AHI1: variants seen among roughly 807,000 people sequenced by gnomAD.
AHI1 encodes the protein Abelson helper integration site 1, also known as jouberin.
AHI1 carries 123 observed loss-of-function variants against 149.3 expected under a neutral mutation model. The observed-to-expected ratio is 0.82, with a 90% CI of 0.71 to 0.96. The LOEUF is 0.96. AHI1 is among the 40% of genes least tolerant of loss of function. The probability of loss-of-function intolerance (pLI) is 0.00; values close to 1 mark genes in which losing one functional copy is unlikely to be tolerated. For missense variants in AHI1, 1,439 were observed against 1,422.7 expected (o/e 1.01, Z -0.18); for synonymous variants, 475 against 459.8 (o/e 1.03, Z -0.42).
At chr6:135,400,587 T>C (rs578062192) in intron 22 of AHI1, among the ~76,000 whole-genome samples, 1 of 151,784 alleles carries the variant, frequency 6.6e-6, no homozygotes, top group East Asian at 1.9e-4. Context: ...AAAAAGAGAG[T>C]GTGTGTTATT....
chr6:135,495,805 AC>A lies in AHI1; in HGVS notation c.-55+8del, dbSNP rs1795884254. ...AGACTCAGGCTTGAGCTCTAGTGTC[AC>A]CACTTACTGATGTGTGGCCTTGGGC... On this transcript the variant is annotated splice_region_variant and intron_variant, in intron 3 of 28. Transcript: ENST00000265602. 1 of 152,238 alleles carries A rather than the reference AC, an allele frequency of 6.6e-6. No homozygotes were observed. The highest frequency in any genetic ancestry group is 2.1e-4 in the South Asian group (1 of 4,838). 9.4% of individuals were successfully genotyped at this position (152,238 alleles called of 1,614,324 possible).
intron 15 of AHI1, among the ~76,000 whole-genome samples, chr6:135,436,898 G>T (rs1785491806): frequency 6.6e-6 from 1 of 152,070 alleles, no homozygotes; most frequent in Non-Finnish European, 1.5e-5. Context: ...CACTGCGCCC[G>T]GCCCATTTGA....
At chr6:135,475,093 T>C (rs1303116910) in intron 5 of AHI1, among the ~76,000 whole-genome samples, 3 of 152,232 alleles carry the variant, frequency 2.0e-5, no homozygotes, top group African/African-American at 4.8e-5. Flanking sequence ...AAAAGATATA[T>C]AATGTTCGAG....
rs1191422958 is a variant in AHI1, at chr6:135,448,305, C to T, written c.1611G>A (p.Leu537=). The change falls in exon 12 of 29, where the codon CTG becomes CTA. Residue 537 remains leucine, a synonymous_variant. Coordinates refer to ENST00000265602, the MANE Select transcript of AHI1 (RefSeq NM_001134831.2). ...ATTAACTTACACAGTCTGGAACTTT[C>T]AGTCCTCTTACAGTTACGTACAGTG... ...PSTLYVTVRG[L]KVPDCIKPSY... is the part of the protein sequence containing the mutation. 2 of 1,591,524 alleles carry T rather than the reference C, an allele frequency of 1.3e-6. No homozygotes were observed. Among genetic ancestry groups the T allele is most frequent in the Non-Finnish European group, 1.7e-6 (2 of 1,165,826 alleles).
At chr6:135,406,793 A>G (rs949855167) in intron 21 of AHI1, among the ~76,000 whole-genome samples, 3 of 152,190 alleles carry the variant, frequency 2.0e-5, no homozygotes, top group African/African-American at 7.2e-5. Flanking sequence ...TCAGGCTGCC[A>G]GAATGGTCTA....
chr6:135,389,092 C>T (rs922293841), intron 23 of AHI1, among the ~76,000 whole-genome samples: 6 of 151,868 alleles, frequency 4.0e-5, no homozygotes, highest in South Asian at 4.2e-4. Context: ...GGGCGGATCA[C>T]GAGGTCAGGA....
chr6:135,423,219 T>TAC (rs1194647124), intron 20 of AHI1, among the ~76,000 whole-genome samples: 1 of 152,234 alleles, frequency 6.6e-6, no homozygotes, highest in Non-Finnish European at 1.5e-5. Context: ...TAGCTACTAC[T>TAC]ACCACTGTTA....
chr6:135,448,431 G>A lies in AHI1; in HGVS notation c.1485C>T (p.Arg495=). The A allele has an allele frequency of 6.4e-7, 1 of 1,564,692 alleles. No individual in the cohort carries two copies. The change falls in exon 12 of 29, where the codon CGC becomes CGT. Residue 495 remains arginine (R), a synonymous_variant. Transcript: ENST00000265602. ...NGNANINSKL[R]LQLYYPPTKP... ...TAGTAGGTGGGTAATATAGCTGCAA[G>A]CGAAGTTTTGAGTTGATGTTTGCAT... is the stretch of plus-strand genomic sequence containing the variant.
intron 21 of AHI1, among the ~76,000 whole-genome samples, chr6:135,407,877 A>G (rs1262403004): frequency 1.3e-5 from 2 of 150,272 alleles, no homozygotes; most frequent in African/African-American, 2.5e-5. Flanking sequence ...CTAAAAATAC[A>G]AAAAAAAATT....
intron 24 of AHI1, among the ~76,000 whole-genome samples, chr6:135,350,134 CAT>C (rs1791854077): frequency 6.6e-6 from 1 of 152,208 alleles, no homozygotes; most frequent in Non-Finnish European, 1.5e-5. Context: ...AAGTCAGTAA[CAT>C]ATCCACAGGG....
intron 23 of AHI1, among the ~76,000 whole-genome samples, chr6:135,373,886 T>G (rs959135291): frequency 1.3e-5 from 2 of 151,908 alleles, no homozygotes; most frequent in African/African-American, 4.8e-5. Context: ...CATGACATCT[T>G]AAGAGTTACT....
In AHI1 at chr6:135,466,360, C is replaced by G. The variant is rs1562241449; in HGVS notation, c.203G>C (p.Arg68Thr). 6.2e-7 allele frequency: 1 copy of G among 1,613,216 alleles called. No homozygotes were observed. Residue 68 changes from arginine to threonine, a missense_variant, in exon 7 of 29, where the codon AGA becomes ACA. Physicochemically the swap from Arg to Thr is moderately conservative, Grantham distance 71 (BLOSUM62 -1). Transcript: ENST00000265602. Reference protein sequence around the residue: ...ETTSDDPDTIRSNLPHIKETT... With the variant: ...ETTSDDPDTITSNLPHIKETT... Reference sequence around the variant, plus strand: ...TTCTTTAATATGGGGAAGATTGCTTCTAATAGTGTCGGGCTAGGAAAAGAA... The same window carrying G: ...TTCTTTAATATGGGGAAGATTGCTTGTAATAGTGTCGGGCTAGGAAAAGAA...
At chr6:135,350,330 T>C (rs1791887242) in intron 24 of AHI1, among the ~76,000 whole-genome samples, 1 of 152,150 alleles carries the variant, frequency 6.6e-6, no homozygotes, top group Admixed American at 6.5e-5. Flanking sequence ...AGATGCTACA[T>C]TATCCCTGAT....
chr6:135,462,984 A>G lies in AHI1; in HGVS notation c.931+141T>C, dbSNP rs148745219. 18 of 616,562 alleles carry G rather than the reference A, an allele frequency of 2.9e-5. No individual in the cohort carries two copies. The East Asian group carries it at 5.1e-4, about 18-fold the overall frequency. The allele number at this position is 616,562 out of a possible 1,614,324, so 38.2% of individuals were successfully genotyped here. A position where few individuals can be genotyped will look rare whatever the true frequency, so the allele number is the denominator to read the frequency against. ...TACAAATACATGTGTGCTTTAATCT[A>G]GATGAATTCAAGAACAAGTACCAAA... On this transcript the variant is annotated intron_variant, in intron 8 of 28. Transcript: ENST00000265602.
At position 135,285,635 on chromosome 6, in the gene AHI1, CTTCAA is replaced by C. The variant is rs752910557; in HGVS notation, c.*5_*9del. 5 of 1,607,678 alleles carry C rather than the reference CTTCAA, an allele frequency of 3.1e-6. No homozygotes were observed. The East Asian group carries it at 6.7e-5, about 22-fold the overall frequency. On this transcript the variant is annotated 3_prime_UTR_variant, in exon 29 of 29. Transcript: ENST00000265602. ...TGCATTTCGGCAGCTCTTAACTTTT[CTTCAA>C]TTCTTTACTGGAAAGAAAAATACAC...
intron 23 of AHI1, among the ~76,000 whole-genome samples, chr6:135,379,980 C>T (rs1457673881): frequency 9.9e-6 from 1 of 100,658 alleles, no homozygotes; most frequent in Non-Finnish European, 2.1e-5. Flanking sequence ...CTCCCCTTCA[C>T]CCTCTCCCTC....
chr6:135,364,765 G>T (rs1013233639), intron 23 of AHI1, among the ~76,000 whole-genome samples: 1 of 152,282 alleles, frequency 6.6e-6, no homozygotes, highest in Non-Finnish European at 1.5e-5. Context: ...GGCGGCGCAC[G>T]CCTGCAATCG....
intron 23 of AHI1, among the ~76,000 whole-genome samples, chr6:135,374,497 T>G (rs1775608991): frequency 6.6e-6 from 1 of 152,072 alleles, no homozygotes; most frequent in South Asian, 2.1e-4. Flanking sequence ...TAAACTATGT[T>G]TTGCAGATAA....
At chr6:135,490,371 C>T (rs1795083133) in intron 5 of AHI1, 1 of 651,320 alleles carries the variant, frequency 1.5e-6, no homozygotes, top group Non-Finnish European at 2.8e-6. Context: ...TTTGAGTTTC[C>T]CCACTATCTC....
Sources: allele counts gnomAD v4.1 joint callset (sites outside exome capture counted in the v4.1 genomes callset), GRCh38; gene constraint gnomAD v4.1.1; transcripts MANE v1.5; gene names NCBI Gene and HGNC (gene_info 2026-07-23, HGNC 2026-07-21).